Variants in LRP1B observed in about 807,000 individuals in gnomAD.
The protein encoded by LRP1B is low-density lipoprotein receptor-related protein 1B.
A neutral mutation model predicts 556.6 loss-of-function variants in LRP1B; 217 were observed. That is an observed-to-expected ratio of 0.39 (90% CI 0.35 to 0.44). The LOEUF is 0.44. Ranked by LOEUF, LRP1B falls within the 20% of genes least tolerant of loss-of-function variation. The pLI is 1.00. For missense variants in LRP1B, 5,053 were observed against 5,620.8 expected, an observed-to-expected ratio of 0.90 and a Z score of 3.23; for synonymous variants, 2,047 against 1,865.8, an observed-to-expected ratio of 1.10 and a Z score of -2.50.
intron 1 of LRP1B, among the ~76,000 whole-genome samples, chr2:142,022,379 T>TTA (rs1559027588): frequency 6.6e-6 from 1 of 151,034 alleles, no homozygotes. Context: ...TTTGAAACAC[T>TTA]TTATTATTAT....
chr2:142,021,209 T>C (rs1438904545), intron 1 of LRP1B, among the ~76,000 whole-genome samples: 1 of 152,150 alleles, frequency 6.6e-6, no homozygotes, highest in East Asian at 1.9e-4. Context: ...AAATGAAGGA[T>C]GCAATATTAC....
intron 1 of LRP1B, among the ~76,000 whole-genome samples, chr2:141,909,130 A>G (rs1293648404): frequency 6.6e-6 from 1 of 152,080 alleles, no homozygotes; most frequent in South Asian, 2.1e-4. Flanking sequence ...ATTTCCAAAA[A>G]GTGGTGTTCA....
chr2:141,838,228 A>G (rs1325210769), intron 1 of LRP1B, among the ~76,000 whole-genome samples: 2 of 148,812 alleles, frequency 1.3e-5, no homozygotes, highest in Non-Finnish European at 3.0e-5. Context: ...ATGACAACCA[A>G]CAAATAAAAT....
chr2:140,863,461 C>T (rs1266896197), intron 27 of LRP1B, among the ~76,000 whole-genome samples: 1 of 152,044 alleles, frequency 6.6e-6, no homozygotes, highest in East Asian at 1.9e-4. Flanking sequence ...TTTAATAAGC[C>T]CTCCATTAAT....
intron 21 of LRP1B, among the ~76,000 whole-genome samples, chr2:140,908,967 T>C (rs1694338991): frequency 6.6e-6 from 1 of 152,060 alleles, no homozygotes; most frequent in Non-Finnish European, 1.5e-5. Context: ...GCCCAGCTAA[T>C]TTTGTATTTT....
chr2:140,748,301 C>CCTATATTATATTCATATATAAT (rs1688401948), intron 35 of LRP1B, among the ~76,000 whole-genome samples: 5 of 110,924 alleles, frequency 4.5e-5, no homozygotes, highest in Non-Finnish European at 8.9e-5. Context: ...TATATATATT[C>CCTATATTATATTCATATATAAT]ATATATTATA....
intron 1 of LRP1B, among the ~76,000 whole-genome samples, chr2:142,034,169 C>T (rs1182711958): frequency 2.0e-5 from 3 of 151,738 alleles, no homozygotes; most frequent in Non-Finnish European, 4.4e-5. Context: ...CTAATTGTTG[C>T]TTATCTAATC....
Position 141,916,030 on chromosome 2 carries a change from A to G in LRP1B, c.83-105629T>C, listed in dbSNP as rs1216333768. 6.6e-5 allele frequency among the ~76,000 whole-genome samples: 10 copies of G among 152,210 alleles called. No homozygotes were observed. The East Asian group carries it at 1.9e-3, about 29-fold the overall frequency. Reference sequence around the variant, plus strand: ...ATGGAAATCTTGGATACGTGGCAAGAACTTAAAACAGAAATACCATTTGAT... The same window carrying G: ...ATGGAAATCTTGGATACGTGGCAAGGACTTAAAACAGAAATACCATTTGAT... On this transcript the variant is annotated intron_variant, in intron 1 of 90. Coordinates refer to ENST00000389484, the MANE Select transcript of LRP1B (RefSeq NM_018557.3).
chr2:141,729,443 G>A (rs1341480746), intron 2 of LRP1B, among the ~76,000 whole-genome samples: 1 of 152,124 alleles, frequency 6.6e-6, no homozygotes, highest in Non-Finnish European at 1.5e-5. Flanking sequence ...TTACCAAGGA[G>A]AGCCAATTTA....
chr2:142,117,747 G>A (rs987132578), intron 1 of LRP1B, among the ~76,000 whole-genome samples: 1 of 152,132 alleles, frequency 6.6e-6, no homozygotes, highest in Non-Finnish European at 1.5e-5. Flanking sequence ...TTAAAGGCCT[G>A]TAACCCTGGG....
chr2:140,812,459 A>C (rs1690962128), intron 32 of LRP1B, among the ~76,000 whole-genome samples: 1 of 152,214 alleles, frequency 6.6e-6, no homozygotes, highest in African/African-American at 2.4e-5. Context: ...TCATCTAGAT[A>C]TTTTTAATTT....
chr2:141,691,973 C>T (rs1483399624), intron 2 of LRP1B, among the ~76,000 whole-genome samples: 2 of 151,892 alleles, frequency 1.3e-5, no homozygotes, highest in Non-Finnish European at 2.9e-5. Context: ...CATGAATATC[C>T]TTTCTTTTTT....
chr2:141,831,138 T>A (rs189904294), intron 1 of LRP1B, among the ~76,000 whole-genome samples: 1 of 151,888 alleles, frequency 6.6e-6, no homozygotes, highest in African/African-American at 2.4e-5. Flanking sequence ...ACTTCATTTA[T>A]CCATCTTTGC....
At chr2:140,472,614 T>G (rs1023409855) in intron 60 of LRP1B, among the ~76,000 whole-genome samples, 1 of 152,094 alleles carries the variant, frequency 6.6e-6, no homozygotes, top group Admixed American at 6.6e-5. Context: ...GTAAGGCACA[T>G]GTACCTTGGA....
intron 18 of LRP1B, among the ~76,000 whole-genome samples, chr2:140,952,201 A>G (rs1573915602): frequency 6.6e-6 from 1 of 152,342 alleles, no homozygotes; most frequent in Non-Finnish European, 1.5e-5. Context: ...GATTCATTAT[A>G]CTGCTAGAAA....
intron 77 of LRP1B, among the ~76,000 whole-genome samples, chr2:140,339,631 G>T (rs999921232): frequency 1.3e-5 from 2 of 151,582 alleles, no homozygotes; most frequent in Non-Finnish European, 3.0e-5. Context: ...TTTACATTTT[G>T]CTCCTCAAAA....
chr2:141,561,141 C>T (rs916896116), intron 2 of LRP1B, among the ~76,000 whole-genome samples: 2 of 151,582 alleles, frequency 1.3e-5, no homozygotes, highest in Non-Finnish European at 3.0e-5. Flanking sequence ...CACCACAATG[C>T]ATAGCAGAAA....
At chr2:141,055,397 A>C in intron 9 of LRP1B, 138 bp from the exon 10 acceptor site, 2 of 737,068 alleles carry the variant, frequency 2.7e-6, no homozygotes, top group South Asian at 2.2e-5. Flanking sequence ...ATTTAGCACC[A>C]TAATCGAATG....
chr2:140,338,937 T>C (rs1172103933), intron 77 of LRP1B, among the ~76,000 whole-genome samples: 3 of 151,688 alleles, frequency 2.0e-5, no homozygotes, highest in Non-Finnish European at 4.4e-5. Context: ...ATCAAATGTG[T>C]CCTGTTTGAG....
Sources: gnomAD v4.1 joint callset for allele counts (sites outside exome capture counted in the v4.1 genomes callset) on GRCh38, gnomAD v4.1.1 for gene constraint, MANE v1.5 for transcripts, NCBI Gene and HGNC (gene_info 2026-07-23, HGNC 2026-07-21) for gene names.